The following CRTAC1 variants were observed in gnomAD, a reference collection of about 807,000 sequenced individuals.
The protein encoded by CRTAC1 is cartilage acidic protein 1, also known as acidic secreted protein in cartilage.
CRTAC1 carries 37 observed loss-of-function variants against 67.8 expected under a neutral mutation model. The ratio of observed to expected loss-of-function variants is 0.55; its 90% CI spans 0.42 to 0.72. The LOEUF (loss-of-function observed/expected upper bound fraction) is 0.72, where lower values mean the gene tolerates loss of function less well. CRTAC1 is among the 30% of genes least tolerant of loss of function. The pLI, the probability that CRTAC1 is intolerant of heterozygous loss-of-function variation, is 0.00. For synonymous variants in CRTAC1, 348 were observed against 371.0 expected (o/e 0.94, Z 0.71); for missense variants, 780 against 931.6 (o/e 0.84, Z 2.12).
At chr10:97,933,512 T>C (rs906282484) in intron 3 of CRTAC1, among the ~76,000 whole-genome samples, 1 of 152,232 alleles carries the variant, frequency 6.6e-6, no homozygotes, top group East Asian at 1.9e-4. Flanking sequence ...TCTTAGGATA[T>C]GCAATGTCTG....
intron 2 of CRTAC1, among the ~76,000 whole-genome samples, chr10:97,979,570 C>T (rs2051859369): frequency 6.6e-6 from 1 of 152,198 alleles, no homozygotes; most frequent in African/African-American, 2.4e-5. Flanking sequence ...AAGTGGGAGA[C>T]AGTTGGTGGG....
chr10:98,011,443 G>A (rs1414181239), intron 1 of CRTAC1, 106 bp from the exon 2 acceptor site: 4 of 1,360,172 alleles, frequency 2.9e-6, no homozygotes, highest in Non-Finnish European at 4.1e-6. Flanking sequence ...CCCATTCATG[G>A]AGAGCTTGAC....
chr10:98,011,707 T>C (rs902622359), intron 1 of CRTAC1, among the ~76,000 whole-genome samples: 50 of 152,218 alleles, frequency 3.3e-4, no homozygotes, highest in African/African-American at 1.2e-3. Flanking sequence ...TATTCACTGA[T>C]ATGCAGCAAG....
At chr10:97,929,527 C>A (rs921541681) in intron 3 of CRTAC1, among the ~76,000 whole-genome samples, 1 of 152,128 alleles carries the variant, frequency 6.6e-6, no homozygotes, top group Non-Finnish European at 1.5e-5. Flanking sequence ...GTTTGTGTGG[C>A]AAGGCAGAGG....
At chr10:98,003,040 C>A (rs1842724077) in intron 2 of CRTAC1, among the ~76,000 whole-genome samples, 1 of 151,972 alleles carries the variant, frequency 6.6e-6, no homozygotes, top group African/African-American at 2.4e-5. Context: ...GCCTCAGCCT[C>A]CCAAAGTGCT....
intron 2 of CRTAC1, among the ~76,000 whole-genome samples, chr10:97,985,089 T>C (rs1278949993): frequency 6.6e-6 from 1 of 152,108 alleles, no homozygotes; most frequent in African/African-American, 2.4e-5. Context: ...TCGGCTTGTG[T>C]AGAGTAAAGG....
At position 97,865,696 on chromosome 10, in the gene CRTAC1, G is replaced by A. The variant is rs756768647; in HGVS notation, c.1838C>T (p.Pro613Leu). 19 of 1,604,262 alleles carry A rather than the reference G, an allele frequency of 1.2e-5. No individual in the cohort carries two copies. The highest frequency in any genetic ancestry group is 1.7e-4 in the Middle Eastern group (1 of 5,994). The change falls in exon 15 of 15, where the codon CCG becomes CTG. Residue 613 changes from proline to leucine, a missense_variant. Transcript: ENST00000370597. Reference protein sequence around the residue: ...TACVGTLGQSPGPRPTTPTAA... With the variant: ...TACVGTLGQSLGPRPTTPTAA... ...GGTGGGGGTGGTGGGGCGGGGGCCCGGTGACTGGCCGAGAGTCCCTGTAGG... is the reference window on the plus strand; with the variant it reads ...GGTGGGGGTGGTGGGGCGGGGGCCCAGTGACTGGCCGAGAGTCCCTGTAGG...
At chr10:97,955,044 A>C (rs1389799625) in intron 2 of CRTAC1, among the ~76,000 whole-genome samples, 1 of 152,208 alleles carries the variant, frequency 6.6e-6, no homozygotes, top group Non-Finnish European at 1.5e-5. Flanking sequence ...AAAACCTAAC[A>C]GTTAGGATAA....
chr10:97,944,145 G>C lies in CRTAC1; in HGVS notation c.225-7779C>G, dbSNP rs141683042. ...AAAGAAACTGAGAAGAGCTGCTTAA[G>C]GGCCAGGTGCAGTGCCTCATGCCTG... On this transcript the variant is annotated intron_variant, in intron 2 of 14. Coordinates refer to ENST00000370597, the MANE Select transcript of CRTAC1 (RefSeq NM_018058.7). Among the ~76,000 whole-genome samples, 629 of 152,224 alleles carry C rather than the reference G, an allele frequency of 4.1e-3. 3 individuals are homozygous for C. Among genetic ancestry groups the C allele is most frequent in the African/African-American group, 0.014 (569 of 41,550 alleles).
chr10:97,989,276 C>G (rs527499032), intron 2 of CRTAC1, among the ~76,000 whole-genome samples: 19 of 152,282 alleles, frequency 1.2e-4, no homozygotes, highest in Non-Finnish European at 2.4e-4. Flanking sequence ...TCTCTCCCCC[C>G]ACCCAACGCA....
chr10:98,023,287 A>G (rs1251187828), intron 1 of CRTAC1, among the ~76,000 whole-genome samples: 1 of 152,202 alleles, frequency 6.6e-6, no homozygotes, highest in Non-Finnish European at 1.5e-5. Context: ...GGAGGTTTAC[A>G]TAGTCCTTGT....
In CRTAC1 at chr10:97,895,838, G is replaced by A. The variant is rs145170820; in HGVS notation, c.1317+47C>T. On this transcript the variant is annotated intron_variant, in intron 10 of 14. Coordinates refer to ENST00000370597, the MANE Select transcript of CRTAC1 (RefSeq NM_018058.7). This position sits in a 1 kb window ranked among gnomAD's most constrained non-coding sequence, Gnocchi z 4.2. ...TTGCCCTCACCAACTCAAGGTACCCGAGAGCACACAGGGCTGGGATCTGTG... is the reference window on the plus strand; with the variant it reads ...TTGCCCTCACCAACTCAAGGTACCCAAGAGCACACAGGGCTGGGATCTGTG... 9 of 1,522,424 alleles carry A rather than the reference G, an allele frequency of 5.9e-6. No homozygotes were observed. The highest frequency in any genetic ancestry group is 8.2e-6 in the Non-Finnish European group (9 of 1,099,634). 94.3% of individuals were successfully genotyped at this position (1,522,424 alleles called of 1,614,324 possible). A position where few individuals can be genotyped will look rare whatever the true frequency, so the allele number is the denominator to read the frequency against.
At chr10:97,890,815 G>A (rs2050360105) in intron 11 of CRTAC1, among the ~76,000 whole-genome samples, 2 of 152,106 alleles carry the variant, frequency 1.3e-5, no homozygotes, top group African/African-American at 2.4e-5. Flanking sequence ...TTACAGGCAT[G>A]CACCACCACG....
chr10:97,953,500 A>G (rs2051393269), intron 2 of CRTAC1, among the ~76,000 whole-genome samples: 1 of 152,192 alleles, frequency 6.6e-6, no homozygotes, highest in South Asian at 2.1e-4. Context: ...TTAGAGGAAC[A>G]CTGTCTGTGT....
rs2050868025 is a variant in CRTAC1 at position 97,923,340 on chromosome 10, A to G, written c.482T>C (p.Leu161Pro). Residue 161 changes from leucine (L) to proline (P), a missense_variant, in exon 4 of 15, where the codon CTG becomes CCG. By Grantham distance (98) the Leu-to-Pro change is moderately conservative. Transcript: ENST00000370597. ...KFRNNRWEDI[L>P]SDEVNVARGV... Reference sequence around the variant, plus strand: ...ACGGGCCACGTTGACCTCATCGCTCAGGATGTCTTCCCACCGGTTATTGCG... The same window carrying G: ...ACGGGCCACGTTGACCTCATCGCTCGGGATGTCTTCCCACCGGTTATTGCG... 6.2e-7 allele frequency: 1 copy of G among 1,614,146 alleles called. No homozygotes were observed. The highest frequency in any genetic ancestry group is 8.5e-7 in the Non-Finnish European group (1 of 1,180,038).
chr10:97,905,837 C>T (rs1233670673), intron 6 of CRTAC1, among the ~76,000 whole-genome samples: 1 of 152,220 alleles, frequency 6.6e-6, no homozygotes, highest in Non-Finnish European at 1.5e-5. Context: ...GTGCCCAATG[C>T]CACCTGCTTA....
intron 2 of CRTAC1, among the ~76,000 whole-genome samples, chr10:97,951,930 C>T (rs1259162239): frequency 6.6e-6 from 1 of 152,194 alleles, no homozygotes; most frequent in Non-Finnish European, 1.5e-5. Context: ...TCAGAATCTG[C>T]ATTTTAAAAA....
In CRTAC1 at chr10:97,936,170, C is replaced by T. The variant is rs1331292412; in HGVS notation, c.421G>A (p.Gly141Arg). The T allele has an allele frequency of 6.2e-7, 1 of 1,601,232 alleles. No individual in the cohort carries two copies. Residue 141 changes from glycine to arginine, a missense_variant and splice_region_variant, in exon 3 of 15, where the codon GGG (glycine) becomes AGG (arginine). Coordinates refer to ENST00000370597, the MANE Select transcript of CRTAC1 (RefSeq NM_018058.7). ...AAGAGGCCTGAGCCCCAGCCCTTAC[C>T]CGAGAAGGCATTATTGGTGTTGAGG... ...YFLNTNNAFS[G>R]VATYTDKLFK... is the part of the protein sequence containing the mutation.
At chr10:97,907,282 G>A (rs2050625752) in intron 6 of CRTAC1, among the ~76,000 whole-genome samples, 1 of 152,186 alleles carries the variant, frequency 6.6e-6, no homozygotes, top group South Asian at 2.1e-4. Flanking sequence ...AGGTGGCACA[G>A]GGAGTGAGGA....
Sources: gnomAD v4.1 joint callset for allele counts (sites outside exome capture counted in the v4.1 genomes callset) on GRCh38, gnomAD v4.1.1 for gene constraint, Gnocchi (gnomAD v3.1) non-coding constraint, MANE v1.5 for transcripts, NCBI Gene and HGNC (gene_info 2026-07-23, HGNC 2026-07-21) for gene names.